Variants in ACTR3C observed in about 807,000 individuals in gnomAD.
The protein encoded by ACTR3C is actin-related protein 3C.
Under a neutral mutation model 26.3 loss-of-function variants are expected in ACTR3C, and 18 were observed. That is an observed-to-expected ratio of 0.68 (90% confidence interval 0.47 to 1.01). The LOEUF is 1.01. ACTR3C is among the 50% of genes least tolerant of loss of function. The pLI is 0.00. For missense variants in ACTR3C, 184 were observed against 250.7 expected (o/e 0.73, Z 1.80); for synonymous variants, 55 against 94.5 (o/e 0.58, Z 2.42).
the ACTR3C span, among the ~76,000 whole-genome samples, chr7:150,130,854 T>C: frequency 2.6e-5 from 4 of 152,152 alleles, no homozygotes; most frequent in African/African-American, 9.7e-5. Context: ...ATCTTGAAGG[T>C]ACTATACTGA....
the ACTR3C span, among the ~76,000 whole-genome samples, chr7:149,906,221 T>A: frequency 6.6e-6 from 1 of 151,856 alleles, no homozygotes. Flanking sequence ...AATATACGGA[T>A]AAAAATGGAG....
the ACTR3C span, among the ~76,000 whole-genome samples, chr7:150,039,268 G>GT: frequency 6.8e-6 from 1 of 147,570 alleles, no homozygotes; most frequent in East Asian, 2.1e-4. Flanking sequence ...TCTCTGCCTC[G>GT]GGGGGGTGCC....
At chr7:150,051,766 T>C in the ACTR3C span, among the ~76,000 whole-genome samples, 1 of 150,482 alleles carries the variant, frequency 6.6e-6, no homozygotes, top group Non-Finnish European at 1.5e-5. Flanking sequence ...TATAAGTCAT[T>C]GGGATTAGGC....
At chr7:150,054,851 G>C in the ACTR3C span, among the ~76,000 whole-genome samples, 2 of 152,218 alleles carry the variant, frequency 1.3e-5, no homozygotes, top group African/African-American at 2.4e-5. Context: ...AGGATGAAAT[G>C]ATGAACTACA....
the ACTR3C span, among the ~76,000 whole-genome samples, chr7:149,887,561 C>T: frequency 1.3e-5 from 2 of 152,210 alleles, no homozygotes; most frequent in Non-Finnish European, 2.9e-5. Context: ...TAAACTGGCT[C>T]CCAGAGCTGC....
At chr7:150,171,796 G>T in the ACTR3C span, among the ~76,000 whole-genome samples, 1 of 146,082 alleles carries the variant, frequency 6.8e-6, no homozygotes, top group Non-Finnish European at 1.5e-5. Context: ...AAAAGAGGTG[G>T]CATCACTATA....
At chr7:149,897,395 G>T in the ACTR3C span, among the ~76,000 whole-genome samples, 461 of 152,334 alleles carry the variant, frequency 3.0e-3, 2 homozygotes, top group African/African-American at 0.011. Flanking sequence ...CAAATGAAAA[G>T]TTTTCAAGGT....
chr7:149,882,265 G>A, the ACTR3C span, among the ~76,000 whole-genome samples: 9 of 152,182 alleles, frequency 5.9e-5, no homozygotes, highest in East Asian at 1.9e-4. Context: ...TCCTTGTCTC[G>A]GCTTCTGCTC....
chr7:150,158,766 A>G, the ACTR3C span, among the ~76,000 whole-genome samples: 1 of 152,186 alleles, frequency 6.6e-6, no homozygotes, highest in Non-Finnish European at 1.5e-5. Flanking sequence ...TGCTGAGAGC[A>G]GATCTTAAAT....
the ACTR3C span, among the ~76,000 whole-genome samples, chr7:150,129,166 A>G: frequency 6.6e-6 from 1 of 151,904 alleles, no homozygotes; most frequent in Non-Finnish European, 1.5e-5. Context: ...AATTCATAGA[A>G]CGCATGCAAG....
chr7:150,063,893 C>T, the ACTR3C span, among the ~76,000 whole-genome samples: 3 of 152,152 alleles, frequency 2.0e-5, no homozygotes, highest in African/African-American at 7.2e-5. Context: ...CCCCCTCCCT[C>T]TTCCTATACG....
chr7:150,219,882 A>C, the ACTR3C span, among the ~76,000 whole-genome samples: 1 of 144,234 alleles, frequency 6.9e-6, no homozygotes, highest in Non-Finnish European at 1.5e-5. Flanking sequence ...TGAAAGGGGG[A>C]GGGGCTCTGC....
chr7:150,276,396 G>T (rs1453967222), intron 6 of ACTR3C, among the ~76,000 whole-genome samples: 1 of 152,174 alleles, frequency 6.6e-6, no homozygotes, highest in Non-Finnish European at 1.5e-5. Flanking sequence ...AGGTTAAGAG[G>T]ACAGCCCTAT....
chr7:150,036,043 G>C, the ACTR3C span, among the ~76,000 whole-genome samples: 2 of 125,112 alleles, frequency 1.6e-5, 1 homozygote. Flanking sequence ...AAGGTGGGAA[G>C]AGGGGCTCGC....
the ACTR3C span, among the ~76,000 whole-genome samples, chr7:150,196,915 G>A: frequency 4.1e-3 from 623 of 152,316 alleles, 1 homozygote; most frequent in Admixed American, 7.3e-3. Context: ...GCTTTGAGGA[G>A]TGCCCCTTCT....
the ACTR3C span, among the ~76,000 whole-genome samples, chr7:150,058,435 A>G: frequency 3.3e-5 from 5 of 152,264 alleles, no homozygotes; most frequent in Non-Finnish European, 4.4e-5. Flanking sequence ...AAGGGTGTCC[A>G]CTTGATGAAG....
At chr7:150,141,043 C>G in the ACTR3C span, among the ~76,000 whole-genome samples, 2 of 152,248 alleles carry the variant, frequency 1.3e-5, no homozygotes, top group Admixed American at 6.5e-5. Flanking sequence ...CAGGGCAAGG[C>G]CCTACCTCTC....
chr7:150,167,018 G>GTATATATA, the ACTR3C span, among the ~76,000 whole-genome samples: 5,428 of 147,086 alleles, frequency 0.037, 172 homozygotes, highest in Non-Finnish European at 0.054. Context: ...ATTCCACTGT[G>GTATATATA]TATATATATA....
At chr7:149,949,541 A>G in the ACTR3C span, among the ~76,000 whole-genome samples, 1 of 147,990 alleles carries the variant, frequency 6.8e-6, no homozygotes, top group East Asian at 1.9e-4. Flanking sequence ...ATGTTCACGC[A>G]TGTATTCATC....
Sources: allele counts gnomAD v4.1 joint callset (sites outside exome capture counted in the v4.1 genomes callset), GRCh38; gene constraint gnomAD v4.1.1; transcripts MANE v1.5; gene names NCBI Gene and HGNC (gene_info 2026-07-23, HGNC 2026-07-21).